ADCY9: variants seen among roughly 807,000 people sequenced by gnomAD.
ADCY9 encodes the protein adenylate cyclase type 9.
In ADCY9, 50 loss-of-function variants were observed where a neutral mutation model predicts 101.5. The observed-to-expected ratio is 0.49, with a 90% CI of 0.39 to 0.62. The LOEUF (loss-of-function observed/expected upper bound fraction) is 0.62. Ranked by LOEUF, ADCY9 falls within the 20% of genes least tolerant of loss-of-function variation. ADCY9 has a pLI of 0.00. For missense variants in ADCY9, 1,662 were observed against 1,800.4 expected, an observed-to-expected ratio of 0.92 and a Z score of 1.39; for synonymous variants, 905 against 769.3, an observed-to-expected ratio of 1.18 and a Z score of -2.92.
intron 2 of ADCY9, among the ~76,000 whole-genome samples, chr16:4,028,121 G>C (rs1362476676): frequency 1.3e-5 from 2 of 152,078 alleles, no homozygotes; most frequent in Non-Finnish European, 1.5e-5. Context: ...TCTGTATCCT[G>C]ATTGTACTGG....
chr16:4,071,102 G>T (rs915547004), intron 2 of ADCY9, among the ~76,000 whole-genome samples: 1 of 151,988 alleles, frequency 6.6e-6, no homozygotes, highest in Non-Finnish European at 1.5e-5. Context: ...GGCCCAGGTG[G>T]GCAGATCACT....
At chr16:3,995,202 A>G (rs1046439398) in intron 3 of ADCY9, among the ~76,000 whole-genome samples, 1 of 152,104 alleles carries the variant, frequency 6.6e-6, no homozygotes, top group African/African-American at 2.4e-5. Context: ...CTGGGGTGGG[A>G]GGATGGCTTG....
At chr16:4,109,960 G>A (rs1042745340) in intron 2 of ADCY9, among the ~76,000 whole-genome samples, 1 of 151,794 alleles carries the variant, frequency 6.6e-6, no homozygotes, top group Admixed American at 6.6e-5. Context: ...ACTAACAATC[G>A]TCCGCCCCCA....
rs756178677 is a variant in ADCY9 at position 3,977,646 on chromosome 16, G to A, written c.2680-16C>T. On this transcript the variant is annotated splice_polypyrimidine_tract_variant and intron_variant, in intron 8 of 10. Transcript: ENST00000294016. ...ACACTGGGAACTGCAAGAGGCGAAG[G>A]GTTAGGACAGCCGCCCAGGGCCACC... is the stretch of plus-strand genomic sequence containing the variant. 1 of 1,603,702 alleles carries A rather than the reference G, an allele frequency of 6.2e-7. No individual in the cohort carries two copies. The highest frequency in any genetic ancestry group is 1.1e-5 in the South Asian group (1 of 90,772).
rs2141666383 is a variant in ADCY9 at position 3,963,287 on chromosome 16, G to C, written c.*2488C>G. On this transcript the variant is annotated 3_prime_UTR_variant, in exon 11 of 11. Coordinates refer to ENST00000294016, the MANE Select transcript of ADCY9 (RefSeq NM_001116.4). Reference sequence around the variant, plus strand: ...ATTGCCACCCTGAAGCACGACCCATGCCGTCAGCAGCCCTCGTGCCAGCTG... The same window carrying C: ...ATTGCCACCCTGAAGCACGACCCATCCCGTCAGCAGCCCTCGTGCCAGCTG... The C allele has an allele frequency of 2.5e-6, 1 of 398,696 alleles. No individual in the cohort carries two copies. Among genetic ancestry groups the C allele is most frequent in the South Asian group, 1.3e-4 (1 of 7,834 alleles). The allele number at this position is 398,696 out of a possible 1,614,324, so 24.7% of individuals were successfully genotyped here.
intron 2 of ADCY9, among the ~76,000 whole-genome samples, chr16:4,072,422 G>A (rs1425619722): frequency 2.6e-5 from 4 of 152,114 alleles, no homozygotes; most frequent in Admixed American, 2.6e-4. Flanking sequence ...CAACTTTGAT[G>A]TTATTGTACT....
chr16:3,984,886 C>T (rs911849473), intron 6 of ADCY9, among the ~76,000 whole-genome samples: 4 of 152,122 alleles, frequency 2.6e-5, no homozygotes, highest in Non-Finnish European at 4.4e-5. Context: ...AAACCAGCTC[C>T]GGGTGCCTCG....
intron 2 of ADCY9, among the ~76,000 whole-genome samples, chr16:4,071,879 C>T (rs887089260): frequency 6.6e-5 from 10 of 152,010 alleles, no homozygotes; most frequent in African/African-American, 2.4e-4. Context: ...GGTGCGGTCT[C>T]GGCTCCCTGC....
intron 2 of ADCY9, among the ~76,000 whole-genome samples, chr16:4,069,930 T>C (rs2056823298): frequency 1.3e-5 from 2 of 152,260 alleles, no homozygotes; most frequent in South Asian, 4.1e-4. Context: ...ACCCTGTCTC[T>C]ACTAAAAGTA....
At chr16:4,011,577 G>T (rs532106918) in intron 2 of ADCY9, among the ~76,000 whole-genome samples, 2 of 152,238 alleles carry the variant, frequency 1.3e-5, no homozygotes, top group African/African-American at 2.4e-5. Context: ...CAAGCGTGAT[G>T]GGCGAGGGCC....
At chr16:4,007,644 C>T in intron 2 of ADCY9, 86 bp from the exon 3 acceptor site, 1 of 1,167,720 alleles carries the variant, frequency 8.6e-7, no homozygotes, top group Non-Finnish European at 1.2e-6. Flanking sequence ...GGAGAGGACT[C>T]ACTCCTGGAA....
rs952773004 is a variant in ADCY9, at chr16:4,115,862, C to A, written c.-216G>T. ...CGGAGGGAAGTTCAGACCTTGAGCG[C>A]TCCCAGCCCCGCGAGCCGCCTGCGC... On this transcript the variant is annotated 5_prime_UTR_variant, in exon 1 of 11. Transcript: ENST00000294016. This position sits in a 1 kb window ranked among gnomAD's most constrained non-coding sequence, Gnocchi z 6.2. 7.6e-6 allele frequency: 3 copies of A among 396,274 alleles called. No homozygotes were observed. Among genetic ancestry groups the A allele is most frequent in the Admixed American group, 4.4e-5 (1 of 22,706 alleles). The allele number at this position is 396,274 out of a possible 1,614,324, so 24.5% of individuals were successfully genotyped here. A position where few individuals can be genotyped will look rare whatever the true frequency, so the allele number is the denominator to read the frequency against.
At chr16:4,106,403 C>T (rs2057077212) in intron 2 of ADCY9, among the ~76,000 whole-genome samples, 1 of 152,182 alleles carries the variant, frequency 6.6e-6, no homozygotes, top group African/African-American at 2.4e-5. Context: ...CCCTTCTGTT[C>T]CGCGGCAGCA....
rs1221116733 is a variant in ADCY9, at chr16:3,977,468, T to A, written c.2828+14A>T. The A allele has an allele frequency of 6.4e-7, 1 of 1,551,870 alleles. No individual in the cohort carries two copies. Among genetic ancestry groups the A allele is most frequent in the Non-Finnish European group, 8.7e-7 (1 of 1,147,642 alleles). ...CACGCACCCTGGTGCCCGCAAGCAG[T>A]GCTGGCCGCGTACCTGTCTGGGCAC... On this transcript the variant is annotated intron_variant, in intron 9 of 10. Transcript: ENST00000294016.
At chr16:4,105,506 T>C (rs1392423717) in intron 2 of ADCY9, among the ~76,000 whole-genome samples, 1 of 148,484 alleles carries the variant, frequency 6.7e-6, no homozygotes, top group Non-Finnish European at 1.5e-5. Context: ...ACACCATTTC[T>C]ACTAAAAATA....
At chr16:4,046,330 C>A (rs889378260) in intron 2 of ADCY9, among the ~76,000 whole-genome samples, 1 of 152,122 alleles carries the variant, frequency 6.6e-6, no homozygotes, top group East Asian at 1.9e-4. Context: ...CCCACGCCCC[C>A]GAACTTATAT....
intron 9 of ADCY9, 101 bp from the exon 10 acceptor site, chr16:3,974,811 C>A: frequency 1.1e-6 from 1 of 946,566 alleles, no homozygotes. Context: ...CTTTTTTAGA[C>A]GTGGTTGTAC....
intron 2 of ADCY9, among the ~76,000 whole-genome samples, chr16:4,060,445 T>A (rs1054123762): frequency 6.6e-6 from 1 of 152,148 alleles, no homozygotes; most frequent in African/African-American, 2.4e-5. Context: ...CAAGACAGGC[T>A]CGTATAATAT....
intron 2 of ADCY9, among the ~76,000 whole-genome samples, chr16:4,100,728 G>C (rs1469600683): frequency 6.9e-6 from 1 of 144,240 alleles, no homozygotes; most frequent in Non-Finnish European, 1.5e-5. Context: ...GGGCAAAGGA[G>C]TGAGACTCTT....
Sources: allele counts gnomAD v4.1 joint callset (sites outside exome capture counted in the v4.1 genomes callset), GRCh38; gene constraint gnomAD v4.1.1; non-coding constraint Gnocchi (gnomAD v3.1); transcripts MANE v1.5; gene names NCBI Gene and HGNC (gene_info 2026-07-23, HGNC 2026-07-21).